Variants in LRWD1 observed in about 807,000 individuals in gnomAD.
The protein encoded by LRWD1 is leucine rich repeats and WD repeat domain containing 1.
A neutral mutation model predicts 75.6 loss-of-function variants in LRWD1; 76 were observed. The observed-to-expected ratio is 1.01, with a 90% CI of 0.84 to 1.22. LRWD1 has a LOEUF of 1.22. Ranked by LOEUF, LRWD1 falls within the 50% of genes most tolerant of loss-of-function variation. The pLI, the probability that LRWD1 is intolerant of heterozygous loss-of-function variation, is 0.00. For synonymous variants in LRWD1, 487 were observed against 377.0 expected, an observed-to-expected ratio of 1.29 and a Z score of -3.38; for missense variants, 917 against 862.0, an observed-to-expected ratio of 1.06 and a Z score of -0.80.
Position 102,472,822 on chromosome 7 carries a change from C to T in LRWD1, c.1803+18C>T. ...CCACACAGGTACTGCCCGGCTCACCCTGCCCAGGCTTGGGCTGGCAAGGCA... is the reference window on the plus strand; with the variant it reads ...CCACACAGGTACTGCCCGGCTCACCTTGCCCAGGCTTGGGCTGGCAAGGCA... On this transcript the variant is annotated intron_variant, in intron 14 of 14. Coordinates refer to ENST00000292616, the MANE Select transcript of LRWD1 (RefSeq NM_152892.3). The T allele has an allele frequency of 6.2e-7, 1 of 1,612,884 alleles. No homozygotes were observed. The highest frequency in any genetic ancestry group is 1.3e-5 in the African/African-American group (1 of 75,058).
rs539926870 is a variant in LRWD1, at chr7:102,468,617, C to G, written c.983C>G (p.Thr328Arg). 1.3e-6 allele frequency: 2 copies of G among 1,576,508 alleles called. No homozygotes were observed. The change falls in exon 8 of 15, where the codon ACG (threonine) becomes AGG (arginine). Residue 328 changes from threonine to arginine, a missense_variant. Coordinates refer to ENST00000292616, the MANE Select transcript of LRWD1 (RefSeq NM_152892.3). ...GCTGTGTGCGTAATTGATTGCCAGA[C>G]GGGCATCGTGCTCCACAAGTACAAG... ...GEAVCVIDCQ[T>R]GIVLHKYKAP...
chr7:102,465,930 AC>A lies in LRWD1; in HGVS notation c.196del (p.Leu66TrpfsTer39). 1 of 1,613,690 alleles carries A rather than the reference AC, an allele frequency of 6.2e-7. No individual in the cohort carries two copies. Among genetic ancestry groups the A allele is most frequent in the Non-Finnish European group, 8.5e-7 (1 of 1,180,000 alleles). On this transcript the variant is annotated frameshift_variant, in exon 2 of 15. Transcript: ENST00000292616. LOFTEE classifies it high-confidence loss of function. ...AACCACCTGGAGACGCTGCCGGACAACCTGGGCCTGTCCCACCTGCGTGTCC... is the reference window on the plus strand; with the variant it reads ...AACCACCTGGAGACGCTGCCGGACAACTGGGCCTGTCCCACCTGCGTGTCC... ...SNNHLETLPD[N>X]LGLSHLRVLR...
chr7:102,469,686 G>A lies in LRWD1; in HGVS notation c.1301+40G>A, dbSNP rs1452992370. On this transcript the variant is annotated intron_variant, in intron 10 of 14. Transcript: ENST00000292616. ...GAGGCTGGGGAGTGGCCAGCTGCTG[G>A]GGCAGGGACACCTCGGTCTGGGTCT... 4 of 1,613,958 alleles carry A rather than the reference G, an allele frequency of 2.5e-6. No homozygotes were observed. In the Admixed American group the frequency reaches 5.0e-5, roughly 20 times the overall value.
At chr7:102,467,254 G>A (rs1473687114) in intron 3 of LRWD1, 85 bp from the exon 4 acceptor site, 1 of 1,469,072 alleles carries the variant, frequency 6.8e-7, no homozygotes, top group Non-Finnish European at 9.2e-7. Flanking sequence ...CCAGCAGGTG[G>A]CGGGATTGAG....
chr7:102,465,229 T>G, intron 1 of LRWD1, 69 bp downstream of exon 1: 1 of 1,315,874 alleles, frequency 7.6e-7, no homozygotes, highest in Non-Finnish European at 9.9e-7. Context: ...GCGGGGACCC[T>G]CCCCAACGGC....
At chr7:102,467,954 G>A (rs1273809272) in intron 5 of LRWD1, 108 bp from the exon 6 acceptor site, 7 of 1,510,970 alleles carry the variant, frequency 4.6e-6, no homozygotes, top group African/African-American at 2.8e-5. Flanking sequence ...AGGTGACCCC[G>A]GGCCAGCCTG....
intron 11 of LRWD1, chr7:102,471,788 C>T (rs1798196544): frequency 4.7e-6 from 1 of 211,932 alleles, no homozygotes; most frequent in African/African-American, 2.3e-5. Context: ...CCCAACAGCC[C>T]CCTGGGCCAT....
At chr7:102,467,259 A>T in intron 3 of LRWD1, 80 bp from the exon 4 acceptor site, 1 of 1,502,032 alleles carries the variant, frequency 6.7e-7, no homozygotes, top group South Asian at 1.2e-5. Context: ...AGGTGGCGGG[A>T]TTGAGATTCC....
intron 9 of LRWD1, 109 bp downstream of exon 9, chr7:102,469,171 G>T: frequency 1.0e-6 from 1 of 998,978 alleles, no homozygotes. Flanking sequence ...GCGCCTGCCG[G>T]GCCCCAGTCT....
rs894882359 is a variant in LRWD1 at position 102,468,605 on chromosome 7, T to C, written c.971T>C (p.Ile324Thr). The C allele has an allele frequency of 2.5e-6, 4 of 1,578,534 alleles. No individual in the cohort carries two copies. Among genetic ancestry groups the C allele is most frequent in the African/African-American group, 2.7e-5 (2 of 74,050 alleles). Residue 324 changes from isoleucine to threonine, a missense_variant, in exon 8 of 15, where the codon ATT (isoleucine) becomes ACT (threonine). Physicochemically the swap from Ile to Thr is moderately conservative, Grantham distance 89 (BLOSUM62 -1). Transcript: ENST00000292616. ...ATCGGEAVCVIDCQTGIVLHK... is the reference protein window; with the variant it reads ...ATCGGEAVCVTDCQTGIVLHK... Reference sequence around the variant, plus strand: ...TGCGGCGGGGAGGCTGTGTGCGTAATTGATTGCCAGACGGGCATCGTGCTC... The same window carrying C: ...TGCGGCGGGGAGGCTGTGTGCGTAACTGATTGCCAGACGGGCATCGTGCTC...
At position 102,472,896 on chromosome 7, in the gene LRWD1, C is replaced by A. The variant is rs200494526; in HGVS notation, c.1804-13C>A. Reference sequence around the variant, plus strand: ...CAGGAGCCCAGCCCAGCCCTCCCCTCTCTCCCCACCAGATCCTGAAGTGGC... The same window carrying A: ...CAGGAGCCCAGCCCAGCCCTCCCCTATCTCCCCACCAGATCCTGAAGTGGC... On this transcript the variant is annotated splice_polypyrimidine_tract_variant and intron_variant, in intron 14 of 14. Coordinates refer to ENST00000292616, the MANE Select transcript of LRWD1 (RefSeq NM_152892.3). 1.2e-6 allele frequency: 2 copies of A among 1,612,734 alleles called. No individual in the cohort carries two copies. Among genetic ancestry groups the A allele is most frequent in the Non-Finnish European group, 1.7e-6 (2 of 1,179,172 alleles).
In LRWD1 at chr7:102,468,331, C is replaced by G; in HGVS notation, c.873C>G (p.Leu291=). 1 of 1,612,358 alleles carries G rather than the reference C, an allele frequency of 6.2e-7. No individual in the cohort carries two copies. The highest frequency in any genetic ancestry group is 8.5e-7 in the Non-Finnish European group (1 of 1,179,464). ...GCAAGAACAACAGCCCCCAGGACCT[C>G]GAGACCCAGCTGTGGGCCTGTGCCT... The part of the protein sequence containing the change: ...CHSKNNSPQD[L]ETQLWACAFE... Residue 291 remains leucine (L), a synonymous_variant, in exon 7 of 15, where the codon CTC becomes CTG. Transcript: ENST00000292616.
intron 1 of LRWD1, chr7:102,465,488 GCTTTTTTTTT>G (rs1333368683): frequency 0.039 from 4,204 of 107,944 alleles, 970 homozygotes; most frequent in Non-Finnish European, 0.045. Flanking sequence ...AGTAGTTGCA[GCTTTTTTTTT>G]TTTTTTTTTT....
In LRWD1 at chr7:102,465,979, G is replaced by A. The variant is rs571827042; in HGVS notation, c.243G>A (p.Leu81=). The change falls in exon 2 of 15, where the codon CTG becomes CTA. Residue 81 remains leucine (L), a synonymous_variant. Transcript: ENST00000292616. ...LRVLRCANNQ[L]GDVTALCQFP... ...TCCTCCGCTGCGCCAACAACCAGCT[G>A]GGGGATGTTACTGCCTTGTGCCAGT... is the stretch of plus-strand genomic sequence containing the variant. The A allele has an allele frequency of 7.5e-5, 121 of 1,613,984 alleles. 3 individuals carry two copies. The South Asian group carries it at 1.2e-3, about 16-fold the overall frequency.
chr7:102,468,514 A>G (rs557650777), intron 7 of LRWD1, 40 bp from the exon 8 acceptor site: 1 of 1,552,130 alleles, frequency 6.4e-7, no homozygotes, highest in African/African-American at 1.4e-5. Context: ...TAGATGGGAA[A>G]TGTCTCTGCT....
intron 2 of LRWD1, 41 bp downstream of exon 2, chr7:102,466,092 G>T: frequency 1.2e-6 from 2 of 1,612,954 alleles, no homozygotes. Context: ...CTGGGGCCAG[G>T]ACTCTGTTGG....
At position 102,472,920 on chromosome 7, in the gene LRWD1, G is replaced by A; in HGVS notation, c.1815G>A (p.Trp605Ter). 3.1e-6 allele frequency: 5 copies of A among 1,613,892 alleles called. No homozygotes were observed. Among genetic ancestry groups the A allele is most frequent in the Non-Finnish European group, 4.2e-6 (5 of 1,179,912 alleles). The change falls in exon 15 of 15, where the codon TGG becomes TGA. Residue 605 changes from tryptophan (W) to a stop codon, truncating the protein, a stop_gained. Transcript: ENST00000292616. LOFTEE classifies it high-confidence loss of function. Reference sequence around the variant, plus strand: ...TCTCTCCCCACCAGATCCTGAAGTGGCCCCAGCCCTGGGCCCTTGGCCAGG... The same window carrying A: ...TCTCTCCCCACCAGATCCTGAAGTGACCCCAGCCCTGGGCCCTTGGCCAGG... ...ALQAPTQILKWPQPWALGQVV... is the reference protein window; with the variant it reads ...ALQAPTQILK
intron 1 of LRWD1, 76 bp from the exon 2 acceptor site, chr7:102,465,741 T>G: frequency 9.2e-7 from 1 of 1,086,854 alleles, no homozygotes; most frequent in Non-Finnish European, 1.4e-6. Context: ...TGAAAAAGCC[T>G]TCTGAGGTAC....
At position 102,465,965 on chromosome 7, in the gene LRWD1, G is replaced by A. The variant is rs139115115; in HGVS notation, c.229G>A (p.Ala77Thr). The A allele has an allele frequency of 4.2e-5, 68 of 1,613,832 alleles. No individual in the cohort carries two copies. The highest frequency in any genetic ancestry group is 5.3e-5 in the Non-Finnish European group (62 of 1,180,012). Residue 77 changes from alanine (A) to threonine (T), a missense_variant, in exon 2 of 15, where the codon GCC (alanine) becomes ACC (threonine). Transcript: ENST00000292616. ...GTCCCACCTGCGTGTCCTCCGCTGC[G>A]CCAACAACCAGCTGGGGGATGTTAC... The part of the protein sequence containing the change: ...GLSHLRVLRC[A>T]NNQLGDVTAL...
Sources: allele counts gnomAD v4.1 joint callset, GRCh38; gene constraint gnomAD v4.1.1; transcripts MANE v1.5; gene names NCBI Gene and HGNC (gene_info 2026-07-23, HGNC 2026-07-21).